The following MAPK10 variants were observed in gnomAD, a reference collection of about 807,000 sequenced individuals.
The protein encoded by MAPK10 is JNK3 alpha protein kinase.
In MAPK10, 25 loss-of-function variants were observed where a neutral mutation model predicts 59.3. The ratio of observed to expected loss-of-function variants is 0.42; its 90% CI spans 0.31 to 0.59. The LOEUF (loss-of-function observed/expected upper bound fraction) is 0.59. Ranked by LOEUF, MAPK10 falls within the 20% of genes least tolerant of loss-of-function variation. The pLI is 0.15. For missense variants in MAPK10, 351 were observed against 568.9 expected, an observed-to-expected ratio of 0.62 and a Z score of 3.90; for synonymous variants, 190 against 200.5, an observed-to-expected ratio of 0.95 and a Z score of 0.44.
chr4:86,219,718 T>G (rs2088938672), intron 2 of MAPK10: 1 of 151,708 alleles, frequency 6.6e-6, no homozygotes, highest in African/African-American at 2.4e-5. Context: ...AGTAGACAAC[T>G]TTGAAGACTT....
chr4:86,216,570 A>G (rs2087710888), intron 2 of MAPK10, among the ~76,000 whole-genome samples: 1 of 151,846 alleles, frequency 6.6e-6, no homozygotes, highest in Non-Finnish European at 1.5e-5. Context: ...AGAAGTAATC[A>G]AATATCTATA....
intron 9 of MAPK10, among the ~76,000 whole-genome samples, chr4:86,074,642 T>C (rs1165333846): frequency 3.6e-5 from 5 of 139,038 alleles, no homozygotes; most frequent in Non-Finnish European, 6.3e-5. Flanking sequence ...TTATTTCTCC[T>C]TCACTTATGA....
At chr4:86,372,560 GAAAGAAAGAAAAGAAAAGAAAA>G (rs1738980125) in intron 1 of MAPK10, among the ~76,000 whole-genome samples, 1 of 12,218 alleles carries the variant, frequency 8.2e-5, no homozygotes. Flanking sequence ...AAGAAAGAAA[GAAAGAAAGAAAAGAAAAGAAAA>G]GAAAAGAAAA....
At chr4:86,104,364 G>A (rs1163959454) in intron 5 of MAPK10, among the ~76,000 whole-genome samples, 1 of 152,110 alleles carries the variant, frequency 6.6e-6, no homozygotes, top group Non-Finnish European at 1.5e-5. Context: ...CAACCTTGCA[G>A]TGTGGAATAT....
chr4:86,338,740 C>T (rs1223531957), intron 2 of MAPK10, among the ~76,000 whole-genome samples: 1 of 152,150 alleles, frequency 6.6e-6, no homozygotes, highest in African/African-American at 2.4e-5. Context: ...CTGAAAAGTA[C>T]TCCCAGGGCA....
At chr4:86,432,269 GTTTGTTTTGT>G (rs370427742) in intron 1 of MAPK10, among the ~76,000 whole-genome samples, 1 of 152,002 alleles carries the variant, frequency 6.6e-6, no homozygotes, top group African/African-American at 2.4e-5. Flanking sequence ...TTGCTTGTTT[GTTTGTTTTGT>G]TTTGTTTTGT....
At chr4:86,342,711 G>C (rs1725728724) in intron 2 of MAPK10, among the ~76,000 whole-genome samples, 2 of 152,188 alleles carry the variant, frequency 1.3e-5, no homozygotes, top group African/African-American at 4.8e-5. Flanking sequence ...TCCTGCCCTT[G>C]AGTGAAACTC....
chr4:86,468,619 C>T (rs1752406657), intron 1 of MAPK10, among the ~76,000 whole-genome samples: 2 of 151,994 alleles, frequency 1.3e-5, no homozygotes, highest in Admixed American at 1.3e-4. Flanking sequence ...TTTGGAAGGC[C>T]CAGGCGGGTG....
intron 11 of MAPK10, among the ~76,000 whole-genome samples, chr4:86,041,827 C>A (rs953173032): frequency 6.6e-6 from 1 of 152,086 alleles, no homozygotes; most frequent in Non-Finnish European, 1.5e-5. Context: ...CAGATGCTGG[C>A]GAGGCTGTGG....
chr4:86,333,189 G>A (rs13111170), intron 2 of MAPK10, among the ~76,000 whole-genome samples: 111,744 of 152,034 alleles, frequency 0.73, 41,578 homozygotes, highest in South Asian at 0.9. Context: ...GGCCATACCC[G>A]CTTCCTTCTA....
intron 1 of MAPK10, among the ~76,000 whole-genome samples, chr4:86,585,736 G>A (rs1168581798): frequency 6.6e-6 from 1 of 152,090 alleles, no homozygotes; most frequent in Non-Finnish European, 1.5e-5. Context: ...AATATCGTAA[G>A]TCTGGGTTTG....
intron 3 of MAPK10, among the ~76,000 whole-genome samples, chr4:86,165,377 G>A (rs777797471): frequency 2.0e-5 from 3 of 151,610 alleles, no homozygotes; most frequent in Admixed American, 6.6e-5. Flanking sequence ...TATGAGATTC[G>A]TTTGTTTGTT....
Position 86,010,682 on chromosome 4 carries a change from T to C in MAPK10, c.*6546A>G. ...AAATACTTTAATATTATGAATTCTC[T>C]TGGTCTGTGTAAAATATTATTTGCA... On this transcript the variant is annotated 3_prime_UTR_variant, in exon 14 of 14. Coordinates refer to ENST00000641462, the MANE Select transcript of MAPK10 (RefSeq NM_138982.4). The C allele has an allele frequency of 6.6e-6, 1 of 152,360 alleles. No individual in the cohort carries two copies. Among genetic ancestry groups the C allele is most frequent in the South Asian group, 2.1e-4 (1 of 4,832 alleles). The allele number at this position is 152,360 out of a possible 1,614,324, so 9.4% of individuals were successfully genotyped here.
intron 3 of MAPK10, among the ~76,000 whole-genome samples, chr4:86,185,637 CA>C (rs1410738143): frequency 6.6e-6 from 1 of 152,034 alleles, no homozygotes; most frequent in Non-Finnish European, 1.5e-5. Context: ...GAAGCTCTTA[CA>C]ATAATTTAAG....
intron 1 of MAPK10, among the ~76,000 whole-genome samples, chr4:86,435,977 A>C (rs1677045482): frequency 6.6e-6 from 1 of 152,236 alleles, no homozygotes; most frequent in Non-Finnish European, 1.5e-5. Flanking sequence ...ATTTATACCA[A>C]ACATTTGCCC....
intron 1 of MAPK10, among the ~76,000 whole-genome samples, chr4:86,464,648 C>T (rs377489177): frequency 3.9e-5 from 6 of 152,166 alleles, no homozygotes; most frequent in Admixed American, 1.3e-4. Context: ...GGCGAAACCC[C>T]GTCTCTACTA....
At chr4:86,457,027 C>T (rs1414302248), upstream of MAPK10, among the ~76,000 whole-genome samples, 1 of 152,150 alleles carries the variant, frequency 6.6e-6, no homozygotes, top group South Asian at 2.1e-4. Flanking sequence ...AAATGTGATA[C>T]ACCACATAAA....
intron 2 of MAPK10, among the ~76,000 whole-genome samples, chr4:86,213,185 T>A (rs1258857403): frequency 6.6e-6 from 1 of 152,012 alleles, no homozygotes; most frequent in Non-Finnish European, 1.5e-5. Flanking sequence ...ACAAAACCTA[T>A]AAGCCACCAC....
chr4:86,551,344 G>T (rs1485437676), intron 1 of MAPK10, among the ~76,000 whole-genome samples: 1 of 152,120 alleles, frequency 6.6e-6, no homozygotes, highest in Non-Finnish European at 1.5e-5. Flanking sequence ...AAAATGAGAT[G>T]AAAGAATTTT....
Sources: allele counts gnomAD v4.1 joint callset (sites outside exome capture counted in the v4.1 genomes callset), GRCh38; gene constraint gnomAD v4.1.1; transcripts MANE v1.5; gene names NCBI Gene and HGNC (gene_info 2026-07-23, HGNC 2026-07-21).